The following EFNB2 variants were observed in gnomAD, a reference collection of about 807,000 sequenced individuals.
EFNB2 encodes the protein ephrin-B2.
Under a neutral mutation model 32.1 loss-of-function variants are expected in EFNB2, and 5 were observed. The observed-to-expected ratio is 0.16, with a 90% CI of 0.08 to 0.33. The LOEUF (loss-of-function observed/expected upper bound fraction) is 0.33. EFNB2 is among the 10% of genes least tolerant of loss of function. EFNB2 has a pLI of 1.00. For synonymous variants in EFNB2, 168 were observed against 166.5 expected, an observed-to-expected ratio of 1.01 and a Z score of -0.07; for missense variants, 263 against 422.6, an observed-to-expected ratio of 0.62 and a Z score of 3.31.
intron 1 of EFNB2, among the ~76,000 whole-genome samples, chr13:106,527,928 T>G (rs962876744): frequency 1.3e-5 from 2 of 152,236 alleles, no homozygotes; most frequent in African/African-American, 4.8e-5. Flanking sequence ...TCTTTTGTCA[T>G]TTGCCTGCCA....
intron 1 of EFNB2, among the ~76,000 whole-genome samples, chr13:106,523,977 C>T (rs1879618984): frequency 6.6e-6 from 1 of 152,266 alleles, no homozygotes; most frequent in African/African-American, 2.4e-5. Context: ...AAGGAACAAT[C>T]AAATGTTACA....
intron 1 of EFNB2, among the ~76,000 whole-genome samples, chr13:106,534,184 G>C (rs1879977245): frequency 6.6e-6 from 1 of 152,176 alleles, no homozygotes; most frequent in African/African-American, 2.4e-5. Flanking sequence ...GCCGAGGTGC[G>C]GCGGGCCCTC....
intron 4 of EFNB2, among the ~76,000 whole-genome samples, chr13:106,494,199 G>A (rs1377511463): frequency 1.3e-5 from 2 of 152,166 alleles, no homozygotes; most frequent in African/African-American, 2.4e-5. Context: ...TTTGCACAAC[G>A]ACCAAGCAAG....
Position 106,535,077 on chromosome 13 carries a change from C to A in EFNB2, c.-113G>T. 6.9e-7 allele frequency: 1 copy of A among 1,453,284 alleles called. No homozygotes were observed. Among genetic ancestry groups the A allele is most frequent in the Non-Finnish European group, 9.2e-7 (1 of 1,090,542 alleles). 90.0% of individuals were successfully genotyped at this position (1,453,284 alleles called of 1,614,324 possible). ...TGGCGGGGAAGACGGCGTGCGCCCG[C>A]AGGCAGCTCCGAGGCGCGCTGCGCA... On this transcript the variant is annotated 5_prime_UTR_variant, in exon 1 of 5. Transcript: ENST00000646441.
chr13:106,534,907 A>C lies in EFNB2; in HGVS notation c.58T>G (p.Cys20Gly). Residue 20 changes from cysteine to glycine, a missense_variant, in exon 1 of 5, where the codon TGC becomes GGC. Cys to Gly is a radical substitution (Grantham distance 159, BLOSUM62 -3). Coordinates refer to ENST00000646441, the MANE Select transcript of EFNB2 (RefSeq NM_004093.4). The part of the protein sequence containing the change: ...KYCWGVLMVL[C>G]RTAISKSIVL... The stretch of plus-strand genomic sequence containing the variant: ...ATCGATTTGGAAATCGCAGTTCTGC[A>C]TAAAACCATCAAAACACCCCAGCAG... The C allele has an allele frequency of 6.2e-7, 1 of 1,613,882 alleles. No homozygotes were observed. The highest frequency in any genetic ancestry group is 8.5e-7 in the Non-Finnish European group (1 of 1,179,842).
chr13:106,534,792 G>C (rs769711292), intron 1 of EFNB2, 51 bp downstream of exon 1: 1 of 1,564,570 alleles, frequency 6.4e-7, no homozygotes, highest in Non-Finnish European at 8.7e-7. Flanking sequence ...CGCCCGGACG[G>C]CGCGGCGGAC....
chr13:106,509,713 T>A (rs562768235), intron 2 of EFNB2: 1 of 151,778 alleles, frequency 6.6e-6, no homozygotes, highest in African/African-American at 2.4e-5. Context: ...TAAAATCCAT[T>A]CATTGTTTTG....
At position 106,493,184 on chromosome 13, in the gene EFNB2, G is replaced by A. The variant is rs765559133; in HGVS notation, c.858C>T (p.Pro286=). Residue 286 remains proline, a synonymous_variant, in exon 5 of 5, where the codon CCC becomes CCT. Coordinates refer to ENST00000646441, the MANE Select transcript of EFNB2 (RefSeq NM_004093.4). This position sits in a 1 kb window ranked among gnomAD's most constrained non-coding sequence, Gnocchi z 6.1. The part of the protein sequence containing the change: ...KRSGNNNGSE[P]SDIIIPLRTA... ...TCCTTAGCGGGATGATAATGTCACTGGGCTCTGAGCCGTTGTTGTTGCCGC... is the reference window on the plus strand; with the variant it reads ...TCCTTAGCGGGATGATAATGTCACTAGGCTCTGAGCCGTTGTTGTTGCCGC... 1 of 1,614,192 alleles carries A rather than the reference G, an allele frequency of 6.2e-7. No homozygotes were observed. Among genetic ancestry groups the A allele is most frequent in the Non-Finnish European group, 8.5e-7 (1 of 1,180,040 alleles).
intron 2 of EFNB2, among the ~76,000 whole-genome samples, chr13:106,496,574 C>T (rs1018188459): frequency 6.6e-6 from 1 of 152,222 alleles, no homozygotes; most frequent in Admixed American, 6.5e-5. Flanking sequence ...GGTCCTGTGG[C>T]AGCCCTGGAG....
chr13:106,530,034 T>G (rs1879822746), intron 1 of EFNB2, among the ~76,000 whole-genome samples: 1 of 152,240 alleles, frequency 6.6e-6, no homozygotes. Flanking sequence ...ACGGCTAGTA[T>G]CGTGCTGAAT....
intron 2 of EFNB2, among the ~76,000 whole-genome samples, chr13:106,500,037 A>G (rs1878720402): frequency 6.6e-6 from 1 of 152,222 alleles, no homozygotes; most frequent in South Asian, 2.1e-4. Context: ...TGCAGTTCTT[A>G]GTCACTGGGA....
chr13:106,509,544 C>T (rs1406530546), intron 2 of EFNB2, among the ~76,000 whole-genome samples: 3 of 151,862 alleles, frequency 2.0e-5, no homozygotes, highest in Non-Finnish European at 4.4e-5. Context: ...GTCATGCTAC[C>T]TAGCACTATT....
chr13:106,520,886 G>A (rs995098049), intron 1 of EFNB2: 2 of 152,202 alleles, frequency 1.3e-5, no homozygotes, highest in African/African-American at 4.8e-5. Flanking sequence ...TAGGGTGTCA[G>A]GTTTATACGG....
intron 1 of EFNB2, among the ~76,000 whole-genome samples, chr13:106,523,064 T>A (rs1027687849): frequency 9.9e-5 from 15 of 152,186 alleles, no homozygotes; most frequent in African/African-American, 3.6e-4. Context: ...GCTTCACAGA[T>A]ACCTCCTTCC....
In EFNB2 at chr13:106,535,144, C is replaced by A. The variant is rs1039556714; in HGVS notation, c.-180G>T. On this transcript the variant is annotated 5_prime_UTR_variant, in exon 1 of 5. Transcript: ENST00000646441. ...GGCCAGGTGCGCTCGCTCTCCGGGGCCCTCAGGGCGCGGGGCGGGAGCGCA... is the reference window on the plus strand; with the variant it reads ...GGCCAGGTGCGCTCGCTCTCCGGGGACCTCAGGGCGCGGGGCGGGAGCGCA... 1.7e-5 allele frequency: 9 copies of A among 525,558 alleles called. No individual in the cohort carries two copies. The highest frequency in any genetic ancestry group is 2.4e-5 in the Non-Finnish European group (9 of 380,702). The allele number at this position is 525,558 out of a possible 1,614,324, so 32.6% of individuals were successfully genotyped here. A position where few individuals can be genotyped will look rare whatever the true frequency, so the allele number is the denominator to read the frequency against.
At chr13:106,497,478 T>C (rs1034811120) in intron 2 of EFNB2, among the ~76,000 whole-genome samples, 6 of 148,788 alleles carry the variant, frequency 4.0e-5, no homozygotes, top group Non-Finnish European at 9.0e-5. Flanking sequence ...AAAAAAAACC[T>C]AAAAATTTTG....
At chr13:106,519,148 C>T (rs184303189) in intron 1 of EFNB2, 2 of 152,152 alleles carry the variant, frequency 1.3e-5, no homozygotes, top group East Asian at 3.9e-4. Context: ...AGTTTCTACA[C>T]CCAGACAGAT....
At position 106,502,894 on chromosome 13, in the gene EFNB2, C is replaced by T. The variant is rs777423989; in HGVS notation, c.407-7054G>A. On this transcript the variant is annotated intron_variant, in intron 2 of 4. Coordinates refer to ENST00000646441, the MANE Select transcript of EFNB2 (RefSeq NM_004093.4). The stretch of plus-strand genomic sequence containing the variant: ...ATGTGTGCGTGTCTACATGTGTGTG[C>T]GTGCAAGCACATGTACACATAGGGG... 7.2e-5 allele frequency among the ~76,000 whole-genome samples: 11 copies of T among 152,172 alleles called. 1 individual carries two copies. The highest frequency in any genetic ancestry group is 1.2e-4 in the African/African-American group (5 of 41,508).
chr13:106,505,510 T>C (rs1878922227), intron 2 of EFNB2, among the ~76,000 whole-genome samples: 1 of 152,192 alleles, frequency 6.6e-6, no homozygotes, highest in Non-Finnish European at 1.5e-5. Flanking sequence ...GCCACAACAC[T>C]TCCCTAAGTG....
Sources: allele counts gnomAD v4.1 joint callset (sites outside exome capture counted in the v4.1 genomes callset), GRCh38; gene constraint gnomAD v4.1.1; non-coding constraint Gnocchi (gnomAD v3.1); transcripts MANE v1.5; gene names NCBI Gene and HGNC (gene_info 2026-07-23, HGNC 2026-07-21).